The following SMAD6 variants were observed in gnomAD, a reference collection of about 807,000 sequenced individuals.
SMAD6 encodes the protein MAD homolog 6.
SMAD6 carries 103 observed loss-of-function variants against 39.4 expected under a neutral mutation model. The ratio of observed to expected loss-of-function variants is 2.62; its 90% CI spans 2.23 to 3.08. The LOEUF is 3.08. SMAD6 is among the 30% of genes most tolerant of loss of function. SMAD6 has a pLI of 0.00. For missense variants in SMAD6, 1,104 were observed against 742.9 expected, an observed-to-expected ratio of 1.49 and a Z score of -5.65; for synonymous variants, 445 against 353.3, an observed-to-expected ratio of 1.26 and a Z score of -2.91.
chr15:66,746,465 T>C (rs1286444867), intron 3 of SMAD6, among the ~76,000 whole-genome samples: 1 of 151,246 alleles, frequency 6.6e-6, no homozygotes, highest in Non-Finnish European at 1.5e-5. Context: ...TTGTTCCCCC[T>C]GCTGACACAG....
chr15:66,703,871 T>G lies in SMAD6; in HGVS notation c.613T>G (p.Cys205Gly). 3.8e-6 allele frequency: 5 copies of G among 1,318,790 alleles called. No homozygotes were observed. Among genetic ancestry groups the G allele is most frequent in the Non-Finnish European group, 4.9e-6 (5 of 1,030,428 alleles). 81.7% of individuals were successfully genotyped at this position (1,318,790 alleles called of 1,614,324 possible). ...VESRGGVPGG[C>G]VLVPRADLRL... ...GTCCCGCGGCGGCGTGCCGGGCGGC[T>G]GCGTGCTGGTGCCGCGCGCCGACCT... The change falls in exon 1 of 4, where the codon TGC becomes GGC. Residue 205 changes from cysteine to glycine, a missense_variant. Transcript: ENST00000288840.
At chr15:66,749,115 A>G (rs1893955688) in intron 3 of SMAD6, among the ~76,000 whole-genome samples, 1 of 152,160 alleles carries the variant, frequency 6.6e-6, no homozygotes, top group Non-Finnish European at 1.5e-5. Flanking sequence ...GCTTGAGCAC[A>G]GGAGTTCAAG....
At chr15:66,757,526 G>A (rs371420276) in intron 3 of SMAD6, among the ~76,000 whole-genome samples, 3 of 152,200 alleles carry the variant, frequency 2.0e-5, no homozygotes, top group East Asian at 3.9e-4. Flanking sequence ...ACTCCTGAGG[G>A]GTGTCCAGCA....
chr15:66,729,251 C>T (rs530765330), intron 3 of SMAD6, among the ~76,000 whole-genome samples: 3 of 152,290 alleles, frequency 2.0e-5, no homozygotes, highest in Non-Finnish European at 4.4e-5. Flanking sequence ...TCCCTGCATC[C>T]CCCGGCACCC....
chr15:66,716,880 C>T (rs754641642), intron 3 of SMAD6: 5 of 813,666 alleles, frequency 6.1e-6, no homozygotes, highest in Non-Finnish European at 7.0e-6. Context: ...CCTGTCCTCA[C>T]TCCAGGGGAG....
At chr15:66,723,951 A>G (rs1262211124) in intron 3 of SMAD6, among the ~76,000 whole-genome samples, 2 of 152,188 alleles carry the variant, frequency 1.3e-5, no homozygotes, top group African/African-American at 4.8e-5. Flanking sequence ...AGAGAAGGTG[A>G]TTCTGAGTTG....
intron 3 of SMAD6, among the ~76,000 whole-genome samples, chr15:66,768,707 G>A (rs1441774673): frequency 6.6e-6 from 1 of 152,196 alleles, no homozygotes; most frequent in Non-Finnish European, 1.5e-5. Context: ...AGTACTCTCT[G>A]TTAAATGGCA....
chr15:66,759,339 AG>A (rs1894158785), intron 3 of SMAD6, among the ~76,000 whole-genome samples: 1 of 35,504 alleles, frequency 2.8e-5, no homozygotes, highest in Middle Eastern at 9.1e-3. Flanking sequence ...AGAGAGGAAG[AG>A]AGAGAGAGAG....
chr15:66,740,249 T>A (rs1231731648), intron 3 of SMAD6, among the ~76,000 whole-genome samples: 1 of 152,214 alleles, frequency 6.6e-6, no homozygotes, highest in Non-Finnish European at 1.5e-5. Context: ...TCCAGCATTA[T>A]CCATTCCCCT....
At position 66,781,448 on chromosome 15, in the gene SMAD6, C is replaced by A; in HGVS notation, c.1404C>A (p.Phe468Leu). Residue 468 changes from phenylalanine to leucine, a missense_variant, in exon 4 of 4, where the codon TTC (phenylalanine) becomes TTA (leucine). Transcript: ENST00000288840. ...PYDPNSVRIS[F>L]AKGWGPCYSR... ...ACCCCAACAGCGTCCGCATCAGCTT[C>A]GCCAAGGGCTGGGGGCCCTGCTACT... is the stretch of plus-strand genomic sequence containing the variant. 1 of 1,605,290 alleles carries A rather than the reference C, an allele frequency of 6.2e-7. No individual in the cohort carries two copies.
chr15:66,757,403 A>T (rs1354050838), intron 3 of SMAD6, among the ~76,000 whole-genome samples: 1 of 152,072 alleles, frequency 6.6e-6, no homozygotes, highest in Non-Finnish European at 1.5e-5. Context: ...CCCCACAATG[A>T]CAGAGGTTCA....
Position 66,768,579 on chromosome 15 carries a change from A to G in SMAD6, c.953-12418A>G, listed in dbSNP as rs114989558. 9.2e-3 allele frequency among the ~76,000 whole-genome samples: 1,404 copies of G among 152,290 alleles called. 25 individuals carry two copies. Among genetic ancestry groups the G allele is most frequent in the African/African-American group, 0.031 (1,286 of 41,548 alleles). ...CATTTTATTTCGAGCCACTGAAACAAGGCTCACACATAGTAAGCTCATTTG... is the reference window on the plus strand; with the variant it reads ...CATTTTATTTCGAGCCACTGAAACAGGGCTCACACATAGTAAGCTCATTTG... On this transcript the variant is annotated intron_variant, in intron 3 of 3. Coordinates refer to ENST00000288840, the MANE Select transcript of SMAD6 (RefSeq NM_005585.5).
intron 2 of SMAD6, among the ~76,000 whole-genome samples, chr15:66,714,827 A>G (rs1893296307): frequency 6.6e-6 from 1 of 152,120 alleles, no homozygotes; most frequent in Admixed American, 6.5e-5. Context: ...AAAGGTGGAA[A>G]CCGCTTGTCG....
chr15:66,750,540 G>T (rs537726892), intron 3 of SMAD6, among the ~76,000 whole-genome samples: 1 of 152,332 alleles, frequency 6.6e-6, no homozygotes, highest in African/African-American at 2.4e-5. Context: ...ACTTGGACTT[G>T]GCTATGGTAT....
At chr15:66,754,044 T>C (rs890609157) in intron 3 of SMAD6, among the ~76,000 whole-genome samples, 2 of 152,236 alleles carry the variant, frequency 1.3e-5, no homozygotes, top group African/African-American at 4.8e-5. Context: ...CATCTCAGGA[T>C]TGAGTTAAGA....
intron 3 of SMAD6, among the ~76,000 whole-genome samples, chr15:66,766,418 G>A (rs556714568): frequency 6.6e-6 from 1 of 152,330 alleles, no homozygotes; most frequent in African/African-American, 2.4e-5. Context: ...TGTCAGCTGT[G>A]TGACTTAGGC....
intron 3 of SMAD6, among the ~76,000 whole-genome samples, chr15:66,745,461 T>C (rs1893890736): frequency 6.6e-6 from 1 of 151,972 alleles, no homozygotes; most frequent in Non-Finnish European, 1.5e-5. Flanking sequence ...GTCTTCTCGC[T>C]CCTGTTCTCT....
rs919569373 is a variant in SMAD6, at chr15:66,712,664, G to A, written c.874+940G>A. On this transcript the variant is annotated intron_variant, in intron 2 of 3. Transcript: ENST00000288840. Reference sequence around the variant, plus strand: ...CACGCCACTGCACTCCAGCCTGGGCGACAGAGTGAGTGAAATTCTGTCTCA... The same window carrying A: ...CACGCCACTGCACTCCAGCCTGGGCAACAGAGTGAGTGAAATTCTGTCTCA... 1.2e-4 allele frequency among the ~76,000 whole-genome samples: 17 copies of A among 139,016 alleles called. 1 individual carries two copies. The East Asian group carries it at 1.7e-3, about 14-fold the overall frequency. The allele number at this position is 139,016 out of a possible 152,430, so 91.2% of individuals were successfully genotyped here.
Position 66,703,277 on chromosome 15 carries a change from T to G in SMAD6, c.19T>G (p.Ser7Ala). The G allele has an allele frequency of 3.4e-6, 5 of 1,483,710 alleles. No individual in the cohort carries two copies. The highest frequency in any genetic ancestry group is 4.5e-6 in the Non-Finnish European group (5 of 1,116,510). The allele number at this position is 1,483,710 out of a possible 1,614,324, so 91.9% of individuals were successfully genotyped here. A position where few individuals can be genotyped will look rare whatever the true frequency, so the allele number is the denominator to read the frequency against. MFRSKR[S>A]GLVRRLWRSR... is the part of the protein sequence containing the mutation. ...ATATCGTATGTTCAGGTCCAAACGC[T>G]CGGGGCTGGTGCGGCGACTTTGGCG... The change falls in exon 1 of 4, where the codon TCG becomes GCG. Residue 7 changes from serine (S) to alanine (A), a missense_variant. By Grantham distance (99) the Ser-to-Ala change is moderately conservative (BLOSUM62 1). Transcript: ENST00000288840.
Sources: gnomAD v4.1 joint callset for allele counts (sites outside exome capture counted in the v4.1 genomes callset) on GRCh38, gnomAD v4.1.1 for gene constraint, MANE v1.5 for transcripts, NCBI Gene and HGNC (gene_info 2026-07-23, HGNC 2026-07-21) for gene names.